Variants in RERG observed in about 807,000 individuals in gnomAD.
RERG encodes RAS like estrogen regulated growth inhibitor.
In RERG, 25 loss-of-function variants were observed where a neutral mutation model predicts 23.2. That is an observed-to-expected ratio of 1.08 (90% CI 0.79 to 1.50). The LOEUF (loss-of-function observed/expected upper bound fraction) is 1.50, where lower values mean the gene tolerates loss of function less well. Among genes scored for constraint, RERG ranks in the 40% most tolerant of loss-of-function variants. The pLI, the probability that RERG is intolerant of heterozygous loss-of-function variation, is 0.00. For synonymous variants in RERG, 81 were observed against 89.1 expected (o/e 0.91, Z 0.51); for missense variants, 253 against 250.1 (o/e 1.01, Z -0.08).
intron 2 of RERG, among the ~76,000 whole-genome samples, chr12:15,133,727 T>TG (rs1864094955): frequency 8.1e-6 from 1 of 123,020 alleles, no homozygotes; most frequent in Non-Finnish European, 1.6e-5. Flanking sequence ...ACTGAGAGGT[T>TG]TTTTTTTTTT....
chr12:15,215,197 C>T (rs947299003), intron 2 of RERG, among the ~76,000 whole-genome samples: 1 of 152,174 alleles, frequency 6.6e-6, no homozygotes. Flanking sequence ...TCAACCTGTG[C>T]ATTTTACATA....
At chr12:15,182,540 C>T (rs929952797) in intron 2 of RERG, among the ~76,000 whole-genome samples, 2 of 152,076 alleles carry the variant, frequency 1.3e-5, no homozygotes, top group Non-Finnish European at 2.9e-5. Context: ...TTATAAAGTA[C>T]AGATCTTATT....
chr12:15,180,260 AT>A (rs1189513679), intron 2 of RERG, among the ~76,000 whole-genome samples: 2 of 152,130 alleles, frequency 1.3e-5, no homozygotes, highest in Non-Finnish European at 2.9e-5. Flanking sequence ...AAAATCAAAA[AT>A]AAAAATGTAG....
intron 3 of RERG, among the ~76,000 whole-genome samples, chr12:15,114,894 T>G (rs1313307154): frequency 6.6e-6 from 1 of 152,172 alleles, no homozygotes; most frequent in African/African-American, 2.4e-5. Flanking sequence ...CGGTGCATGC[T>G]AAAGTTTGAG....
At chr12:15,145,199 AAACACTCTTTC>A (rs112136543) in intron 2 of RERG, among the ~76,000 whole-genome samples, 7,742 of 152,230 alleles carry the variant, frequency 0.051, 303 homozygotes, top group African/African-American at 0.1. Flanking sequence ...GGCCTGAGAT[AAACACTCTTTC>A]TGGACTAGGA....
At chr12:15,135,354 T>C (rs535286294) in intron 2 of RERG, among the ~76,000 whole-genome samples, 9 of 151,790 alleles carry the variant, frequency 5.9e-5, no homozygotes, top group Non-Finnish European at 1.3e-4. Flanking sequence ...ACATAATTTG[T>C]GAACAAAGAC....
chr12:15,164,857 T>C (rs1201698951), intron 2 of RERG, among the ~76,000 whole-genome samples: 1 of 152,232 alleles, frequency 6.6e-6, no homozygotes, highest in Non-Finnish European at 1.5e-5. Context: ...ATTGACCTTT[T>C]GCACCTGGAG....
chr12:15,175,355 G>A (rs1052909910), intron 2 of RERG, among the ~76,000 whole-genome samples: 10 of 149,148 alleles, frequency 6.7e-5, no homozygotes, highest in Admixed American at 3.3e-4. Context: ...GTGTGTGTGT[G>A]TGTGTGTGTG....
At position 15,131,429 on chromosome 12, in the gene RERG, A is replaced by G. The variant is rs115216483; in HGVS notation, c.62-10310T>C. ...TCATGCTTAAACAGAATTATTTGTA[A>G]GGTATTAAGCATTTTGTTAAGTTGC... is the stretch of plus-strand genomic sequence containing the variant. On this transcript the variant is annotated intron_variant, in intron 2 of 4. Transcript: ENST00000256953. 6.7e-3 allele frequency among the ~76,000 whole-genome samples: 1,019 copies of G among 152,272 alleles called. 7 individuals are homozygous for G. Among genetic ancestry groups the G allele is most frequent in the African/African-American group, 0.023 (944 of 41,552 alleles).
chr12:15,200,624 C>T (rs370172083), intron 2 of RERG, among the ~76,000 whole-genome samples: 12 of 151,860 alleles, frequency 7.9e-5, no homozygotes, highest in African/African-American at 2.9e-4. Flanking sequence ...TTGATTCTTC[C>T]AGTTATTTGA....
rs1863819997 is a variant in RERG, at chr12:15,120,985, T to C, written c.118+78A>G. ...ATCAGCTAAAAGGAGCTTAAAAATG[T>C]TGCAACAGAAAACATTATTCTTTCT... On this transcript the variant is annotated intron_variant, in intron 3 of 4. Transcript: ENST00000256953. 4.6e-6 allele frequency: 5 copies of C among 1,081,614 alleles called. No homozygotes were observed. The Admixed American group carries it at 9.3e-5, about 20-fold the overall frequency. 67.0% of individuals were successfully genotyped at this position (1,081,614 alleles called of 1,614,324 possible).
intron 2 of RERG, among the ~76,000 whole-genome samples, chr12:15,122,154 C>T (rs1157740587): frequency 2.0e-5 from 3 of 152,078 alleles, no homozygotes; most frequent in African/African-American, 7.2e-5. Flanking sequence ...CATGAGCCCT[C>T]CATAGACCCC....
intron 2 of RERG, among the ~76,000 whole-genome samples, chr12:15,195,551 C>CTGTGTGTGTGTGTGTG (rs71042238): frequency 7.0e-5 from 9 of 128,316 alleles, no homozygotes; most frequent in African/African-American, 2.4e-4. Context: ...GCAAGCTTGG[C>CTGTGTGTGTGTGTGTG]TGTGTGTGTG....
At chr12:15,192,246 C>T (rs1865081748) in intron 2 of RERG, among the ~76,000 whole-genome samples, 1 of 152,158 alleles carries the variant, frequency 6.6e-6, no homozygotes, top group Admixed American at 6.5e-5. Flanking sequence ...TGCGATATGC[C>T]TGCTTGCCTT....
Position 15,217,437 on chromosome 12 carries a change from C to T in RERG, c.53G>A (p.Gly18Asp). 1 of 1,611,752 alleles carries T rather than the reference C, an allele frequency of 6.2e-7. No homozygotes were observed. Among genetic ancestry groups the T allele is most frequent in the South Asian group, 1.1e-5 (1 of 90,998 alleles). ...KLAIFGRAGV[G>D]KSALVVRFLT... ...CACAACGAAAATCTTACCTGACTTG[C>T]CCACGCCTGCTCTCCCAAATATTGC... Residue 18 changes from glycine to aspartate, a missense_variant, in exon 2 of 5, where the codon GGC (glycine) becomes GAC (aspartate). Transcript: ENST00000256953.
At chr12:15,187,952 A>G (rs1428621999) in intron 2 of RERG, among the ~76,000 whole-genome samples, 3 of 152,140 alleles carry the variant, frequency 2.0e-5, no homozygotes, top group African/African-American at 4.8e-5. Context: ...ATCAGGAAAT[A>G]AATACTGAAC....
At position 15,108,381 on chromosome 12, in the gene RERG, T is replaced by C. The variant is rs1192571949; in HGVS notation, c.*729A>G. 2 of 152,554 alleles carry C rather than the reference T, an allele frequency of 1.3e-5. No homozygotes were observed. The highest frequency in any genetic ancestry group is 4.8e-5 in the African/African-American group (2 of 41,448). 9.5% of individuals were successfully genotyped at this position (152,554 alleles called of 1,614,324 possible). On this transcript the variant is annotated 3_prime_UTR_variant, in exon 5 of 5. Coordinates refer to ENST00000256953, the MANE Select transcript of RERG (RefSeq NM_032918.3). ...GGTGAAAAGACTTCCAATGTTTTTA[T>C]ATCACCCTGACTTGATGAAAAAAGG...
chr12:15,197,882 T>C (rs1364863823), intron 2 of RERG, among the ~76,000 whole-genome samples: 1 of 152,062 alleles, frequency 6.6e-6, no homozygotes, highest in Non-Finnish European at 1.5e-5. Context: ...AGGAGCACCA[T>C]TCAGCTCAGC....
Position 15,108,935 on chromosome 12 carries a change from C to A in RERG, c.*175G>T, listed in dbSNP as rs149960234. On this transcript the variant is annotated 3_prime_UTR_variant, in exon 5 of 5. Transcript: ENST00000256953. ...GCAGGAAAGGAAGAAATTGTTAGCA[C>A]TGAAATTGCATAAAACACGCTAAAA... 3.4e-6 allele frequency: 2 copies of A among 591,778 alleles called. No individual in the cohort carries two copies. Among genetic ancestry groups the A allele is most frequent in the Non-Finnish European group, 5.8e-6 (2 of 346,428 alleles). 36.7% of individuals were successfully genotyped at this position (591,778 alleles called of 1,614,324 possible). A position where few individuals can be genotyped will look rare whatever the true frequency, so the allele number is the denominator to read the frequency against.
Sources: allele counts gnomAD v4.1 joint callset (sites outside exome capture counted in the v4.1 genomes callset), GRCh38; gene constraint gnomAD v4.1.1; transcripts MANE v1.5; gene names NCBI Gene and HGNC (gene_info 2026-07-23, HGNC 2026-07-21).